UBXN8: variants seen among roughly 807,000 people sequenced by gnomAD.
UBXN8 encodes UBX domain-containing protein 8.
In UBXN8, 27 loss-of-function variants were observed where a neutral mutation model predicts 32.1. The ratio of observed to expected loss-of-function variants is 0.84; its 90% CI spans 0.62 to 1.16. UBXN8 has a LOEUF of 1.16. Among genes scored for constraint, UBXN8 ranks in the 50% most tolerant of loss-of-function variants. The probability of loss-of-function intolerance (pLI) is 0.00; values close to 1 mark genes in which losing one functional copy is unlikely to be tolerated. For synonymous variants in UBXN8, 109 were observed against 111.8 expected, an observed-to-expected ratio of 0.98 and a Z score of 0.16; for missense variants, 306 against 311.4, an observed-to-expected ratio of 0.98 and a Z score of 0.13.
intron 7 of UBXN8, among the ~76,000 whole-genome samples, chr8:30,764,395 C>G (rs539886638): frequency 8.5e-5 from 13 of 152,278 alleles, no homozygotes; most frequent in Admixed American, 8.5e-4. Context: ...GTCTCAAACT[C>G]CTGGGCTCAA....
Position 30,756,296 on chromosome 8 carries a change from G to A in UBXN8, c.406-469G>A, listed in dbSNP as rs187419964. 8 of 156,156 alleles carry A rather than the reference G, an allele frequency of 5.1e-5. No individual in the cohort carries two copies. In the East Asian group the frequency reaches 1.5e-3, roughly 29 times the overall value. The allele number at this position is 156,156 out of a possible 1,614,324, so 9.7% of individuals were successfully genotyped here. On this transcript the variant is annotated intron_variant, in intron 4 of 7. Coordinates refer to ENST00000265616, the MANE Select transcript of UBXN8 (RefSeq NM_005671.4). The stretch of plus-strand genomic sequence containing the variant: ...GCTGGGATTACAGGTAACTGCCACC[G>A]CGCCCAGCTAATTTTTGTATGTCTT...
chr8:30,738,758 C>T (rs905342920), intron 1 of UBXN8, among the ~76,000 whole-genome samples: 2 of 151,214 alleles, frequency 1.3e-5, no homozygotes, highest in African/African-American at 4.9e-5. Context: ...GATTTGAAAC[C>T]TGCCTGACCA....
In UBXN8 at chr8:30,758,895, T is replaced by G. The variant is rs1344423096; in HGVS notation, c.529-1993T>G. 1.0e-4 allele frequency among the ~76,000 whole-genome samples: 13 copies of G among 125,462 alleles called. 2 individuals carry two copies. In the South Asian group the frequency reaches 1.2e-3, roughly 12 times the overall value. 82.3% of individuals were successfully genotyped at this position (125,462 alleles called of 152,430 possible). A position where few individuals can be genotyped will look rare whatever the true frequency, so the allele number is the denominator to read the frequency against. Reference sequence around the variant, plus strand: ...ATGTTTTTTTTGTTTGTTTTTTTTGTTTTTTTTTTTTTTTTTGAGACGGAG... The same window carrying G: ...ATGTTTTTTTTGTTTGTTTTTTTTGGTTTTTTTTTTTTTTTTGAGACGGAG... On this transcript the variant is annotated intron_variant, in intron 5 of 7. Coordinates refer to ENST00000265616, the MANE Select transcript of UBXN8 (RefSeq NM_005671.4).
intron 6 of UBXN8, among the ~76,000 whole-genome samples, chr8:30,761,811 T>C (rs578023373): frequency 6.6e-6 from 1 of 152,244 alleles, no homozygotes; most frequent in East Asian, 1.9e-4. Flanking sequence ...TTGTAGATGT[T>C]TTAATTTAGG....
chr8:30,752,893 CAT>C, intron 2 of UBXN8, 140 bp from the exon 3 acceptor site: 1 of 972,194 alleles, frequency 1.0e-6, no homozygotes, highest in Non-Finnish European at 1.4e-6. Context: ...TCAACCCAAA[CAT>C]AAATGACAAT....
At position 30,744,276 on chromosome 8, in the gene UBXN8, A is replaced by G. The variant is rs1388532016; in HGVS notation, c.87A>G (p.Ile29Met). Residue 29 changes from isoleucine (I) to methionine (M), a missense_variant and splice_region_variant, in exon 1 of 8, where the codon ATA becomes ATG. Physicochemically the swap from Ile to Met is conservative, Grantham distance 10 (BLOSUM62 1). Coordinates refer to ENST00000265616, the MANE Select transcript of UBXN8 (RefSeq NM_005671.4). ...AGCTCCGGCGTGGGATCCCGGATAT[A>G]GGTAAGTGTGACTTTTTCCCTTCGA... ...CLELRRGIPD[I>M]GIKDFLLLCG... 5.6e-6 allele frequency: 9 copies of G among 1,613,252 alleles called. No homozygotes were observed. In the Admixed American group the frequency reaches 1.0e-4, roughly 18 times the overall value.
chr8:30,737,677 GACCCTGTCTCAAACAAACAAAAAAA>G (rs1219269158), intron 1 of UBXN8, among the ~76,000 whole-genome samples: 1 of 152,116 alleles, frequency 6.6e-6, no homozygotes, highest in Admixed American at 6.5e-5. Flanking sequence ...AACAGAGCGA[GACCCTGTCTCAAACAAACAAAAAAA>G]TTAGGTATGG....
intron 1 of UBXN8, among the ~76,000 whole-genome samples, chr8:30,748,537 A>G: frequency 6.6e-6 from 1 of 151,174 alleles, no homozygotes; most frequent in East Asian, 1.9e-4. Context: ...TTAAGTCTAT[A>G]TATGTTTTTT....
chr8:30,735,194 T>C (rs1805044399), intron 1 of UBXN8, among the ~76,000 whole-genome samples: 1 of 152,192 alleles, frequency 6.6e-6, no homozygotes, highest in Non-Finnish European at 1.5e-5. Context: ...GTGGATGTTT[T>C]GCTAGGATCG....
rs370487136 is a variant in UBXN8, at chr8:30,751,401, A to C, written c.94A>C (p.Lys32Gln). The C allele has an allele frequency of 6.3e-7, 1 of 1,578,464 alleles. No individual in the cohort carries two copies. The highest frequency in any genetic ancestry group is 2.3e-5 in the East Asian group (1 of 44,334). ...TAGTTTTTTTCCTTTATCAGGAATC[A>C]AGGATTTTCTTTTGCTTTGTGGCCG... is the stretch of plus-strand genomic sequence containing the variant. ...LRRGIPDIGI[K>Q]DFLLLCGRIL... The change falls in exon 2 of 8, where the codon AAG becomes CAG. Residue 32 changes from lysine (K) to glutamine (Q), a missense_variant. Coordinates refer to ENST00000265616, the MANE Select transcript of UBXN8 (RefSeq NM_005671.4).
At chr8:30,743,693 C>G (rs1226749231), upstream of UBXN8, among the ~76,000 whole-genome samples, 5 of 152,206 alleles carry the variant, frequency 3.3e-5, no homozygotes, top group Admixed American at 6.5e-5. Context: ...GCCCCACTTT[C>G]GAGTTGTCTT....
In UBXN8 at chr8:30,738,923, T is replaced by A. The variant is rs574904330; in HGVS notation, c.622+5615T>A. Among the ~76,000 whole-genome samples, 4 of 151,054 alleles carry A rather than the reference T, an allele frequency of 2.6e-5. No individual in the cohort carries two copies. In the South Asian group the frequency reaches 8.8e-4, roughly 33 times the overall value. On this transcript the variant is annotated intron_variant, in intron 1 of 1. Transcript: ENST00000522968. Reference sequence around the variant, plus strand: ...GTGAGCTGAGATTGTGCTATTGCACTCCAGCGTGGGCAACAAGAGTGAAAC... The same window carrying A: ...GTGAGCTGAGATTGTGCTATTGCACACCAGCGTGGGCAACAAGAGTGAAAC...
At chr8:30,742,866 T>C (rs1805242770), upstream of UBXN8, among the ~76,000 whole-genome samples, 2 of 152,108 alleles carry the variant, frequency 1.3e-5, no homozygotes, top group Admixed American at 6.6e-5. Context: ...TTATGTTTAT[T>C]TGCTTACAGG....
At position 30,747,894 on chromosome 8, in the gene UBXN8, CTTTT is replaced by C. The variant is rs67334347; in HGVS notation, c.89-3481_89-3478del. Among the ~76,000 whole-genome samples the C allele has an allele frequency of 1.2e-3, 44 of 35,640 alleles. 1 individual carries two copies. The highest frequency in any genetic ancestry group is 7.3e-3 in the Admixed American group (20 of 2,748). 23.4% of individuals were successfully genotyped at this position (35,640 alleles called of 152,430 possible). A position where few individuals can be genotyped will look rare whatever the true frequency, so the allele number is the denominator to read the frequency against. On this transcript the variant is annotated intron_variant, in intron 1 of 7. Coordinates refer to ENST00000265616, the MANE Select transcript of UBXN8 (RefSeq NM_005671.4). ...TTTCTTTTTTTAATATATATTTTTT[CTTTT>C]TTTTTTTTTTTTTTTTTTTTGCTAC...
chr8:30,729,676 A>T (rs868051906), upstream of UBXN8, among the ~76,000 whole-genome samples: 1 of 152,184 alleles, frequency 6.6e-6, no homozygotes, highest in African/African-American at 2.4e-5. Flanking sequence ...ATGTTGAAAA[A>T]TTTTAAGAAG....
At chr8:30,739,119 T>C (rs1805134551) in intron 1 of UBXN8, among the ~76,000 whole-genome samples, 1 of 150,540 alleles carries the variant, frequency 6.6e-6, no homozygotes, top group Admixed American at 6.7e-5. Context: ...TGGGGGTTGA[T>C]GGTGGTGAGG....
At chr8:30,740,603 T>C (rs977716745), upstream of UBXN8, among the ~76,000 whole-genome samples, 33 of 150,386 alleles carry the variant, frequency 2.2e-4, no homozygotes, top group African/African-American at 7.8e-4. Context: ...CATGTGTTTG[T>C]AGTCCCAGCT....
upstream of UBXN8, among the ~76,000 whole-genome samples, chr8:30,741,391 CAAAT>C (rs1389058667): frequency 2.0e-5 from 3 of 149,422 alleles, no homozygotes; most frequent in East Asian, 2.0e-4. Flanking sequence ...GTCTCATAAA[CAAAT>C]AAAAATCACC....
At chr8:30,753,689 C>T (rs906588123) in intron 3 of UBXN8, among the ~76,000 whole-genome samples, 1 of 152,044 alleles carries the variant, frequency 6.6e-6, no homozygotes, top group Non-Finnish European at 1.5e-5. Flanking sequence ...TCATCCCATC[C>T]TCTGAAAACC....
Sources: gnomAD v4.1 joint callset for allele counts (sites outside exome capture counted in the v4.1 genomes callset) on GRCh38, gnomAD v4.1.1 for gene constraint, MANE v1.5 for transcripts, NCBI Gene and HGNC (gene_info 2026-07-23, HGNC 2026-07-21) for gene names.